GALNT6: variants seen among roughly 807,000 people sequenced by gnomAD.
The protein encoded by GALNT6 is polypeptide N-acetylgalactosaminyltransferase 6.
In GALNT6, 51 loss-of-function variants were observed where a neutral mutation model predicts 65.9. The observed-to-expected ratio is 0.77, with a 90% CI of 0.62 to 0.98. The LOEUF is 0.98. Among genes scored for constraint, GALNT6 ranks in the 50% least tolerant of loss-of-function variants. GALNT6 has a pLI of 0.00. For synonymous variants in GALNT6, 323 were observed against 315.1 expected (o/e 1.02, Z -0.26); for missense variants, 708 against 803.3 (o/e 0.88, Z 1.43).
At position 51,379,255 on chromosome 12, in the gene GALNT6, C is replaced by T. The variant is rs369694704; in HGVS notation, c.491+36G>A. 3.3e-6 allele frequency: 5 copies of T among 1,513,306 alleles called. No individual in the cohort carries two copies. In the African/African-American group the frequency reaches 4.2e-5, roughly 13 times the overall value. 93.7% of individuals were successfully genotyped at this position (1,513,306 alleles called of 1,614,324 possible). A position where few individuals can be genotyped will look rare whatever the true frequency, so the allele number is the denominator to read the frequency against. On this transcript the variant is annotated intron_variant, in intron 3 of 11. Transcript: ENST00000356317. The stretch of plus-strand genomic sequence containing the variant: ...ATACTAGCCATGCCTTTAGCAAAGC[C>T]CTGGTCTCCCCACAAGGACTCTGGG...
intron 6 of GALNT6, among the ~76,000 whole-genome samples, chr12:51,361,425 A>C (rs1032133971): frequency 6.6e-6 from 1 of 152,216 alleles, no homozygotes; most frequent in Non-Finnish European, 1.5e-5. Context: ...TTTACACTGC[A>C]TGAGAAACTG....
intron 10 of GALNT6, among the ~76,000 whole-genome samples, 200 bp from the exon 11 acceptor site, chr12:51,356,158 ATATGTGTGTGTGTATATATATATG>A (rs1283053174): frequency 6.6e-6 from 1 of 151,070 alleles, no homozygotes; most frequent in Admixed American, 6.6e-5. Context: ...ACATATATAT[ATATGTGTGTGTGTATATATATATG>A]TGTGTATATA....
intron 8 of GALNT6, among the ~76,000 whole-genome samples, chr12:51,358,875 T>A (rs1014818059): frequency 6.6e-6 from 1 of 152,112 alleles, no homozygotes; most frequent in Non-Finnish European, 1.5e-5. Flanking sequence ...CGTAAGAGGC[T>A]TTTCCTCCAA....
chr12:51,379,551 T>G lies in GALNT6; in HGVS notation c.231A>C (p.Glu77Asp). The G allele has an allele frequency of 6.2e-7, 1 of 1,614,182 alleles. No individual in the cohort carries two copies. Among genetic ancestry groups the G allele is most frequent in the Non-Finnish European group, 8.5e-7 (1 of 1,180,022 alleles). The change falls in exon 3 of 12, where the codon GAA (glutamate) becomes GAC (aspartate). Residue 77 changes from glutamate to aspartate, a missense_variant. Glu to Asp is a conservative substitution (Grantham distance 45, BLOSUM62 2). Transcript: ENST00000356317. ...SMPKLQIRAP[E>D]AQQTLFSINQ... ...TTATGGAGAACAGAGTCTGCTGGGC[T>G]TCTGGAGCCCTGATTTGGAGCTTGG... is the stretch of plus-strand genomic sequence containing the variant.
chr12:51,360,863 G>A (rs1474194468), intron 6 of GALNT6, 25 bp from the exon 7 acceptor site: 3 of 1,496,764 alleles, frequency 2.0e-6, no homozygotes, highest in Non-Finnish European at 9.3e-7. Context: ...GGAGAAGTGT[G>A]TGCATCTTCT....
chr12:51,356,801 C>T (rs115322545), intron 10 of GALNT6, among the ~76,000 whole-genome samples: 1,575 of 152,266 alleles, frequency 0.01, 25 homozygotes, highest in African/African-American at 0.036. Flanking sequence ...CAGTGCACCA[C>T]TGGAAATCAT....
At chr12:51,383,985 C>T (rs1947751987) in intron 2 of GALNT6, among the ~76,000 whole-genome samples, 3 of 152,188 alleles carry the variant, frequency 2.0e-5, no homozygotes, top group Admixed American at 1.3e-4. Context: ...ACGAGATCCG[C>T]CCCTGGTGTC....
chr12:51,375,650 T>C (rs1450188301), intron 4 of GALNT6, among the ~76,000 whole-genome samples: 1 of 151,060 alleles, frequency 6.6e-6, no homozygotes, highest in East Asian at 2.0e-4. Context: ...CTCCGCCTCC[T>C]GGGTTCAAGC....
Position 51,377,294 on chromosome 12 carries a change from C to T in GALNT6, c.565G>A (p.Ala189Thr). Residue 189 changes from alanine (A) to threonine (T), a missense_variant, in exon 4 of 12, where the codon GCC becomes ACC. Coordinates refer to ENST00000356317, the MANE Select transcript of GALNT6 (RefSeq NM_007210.4). The part of the protein sequence containing the change: ...TSVIIVFHNE[A>T]WSTLLRTVYS... ...ACTGTTCGCAGCAGTGTGGACCAGG[C>T]TTCGTTGTGGAACACAATGATCACG... 6.2e-7 allele frequency: 1 copy of T among 1,613,636 alleles called. No homozygotes were observed. The highest frequency in any genetic ancestry group is 2.2e-5 in the East Asian group (1 of 44,874).
rs1947886412 is a variant in GALNT6, at chr12:51,387,709, G to A, written c.-104+3141C>T. ...AGGGAGGGTTCCAGGTGGAGATGAGGTGGGATTCTCTAATCACCTAGAAGC... is the reference window on the plus strand; with the variant it reads ...AGGGAGGGTTCCAGGTGGAGATGAGATGGGATTCTCTAATCACCTAGAAGC... On this transcript the variant is annotated intron_variant, in intron 2 of 11. Coordinates refer to ENST00000356317, the MANE Select transcript of GALNT6 (RefSeq NM_007210.4). This position sits in a 1 kb window ranked among gnomAD's most constrained non-coding sequence, Gnocchi z 4.2. 6.6e-6 allele frequency among the ~76,000 whole-genome samples: 1 copy of A among 152,074 alleles called. No homozygotes were observed. Among genetic ancestry groups the A allele is most frequent in the South Asian group, 2.1e-4 (1 of 4,824 alleles).
At chr12:51,363,849 G>T (rs1331148556) in intron 6 of GALNT6, among the ~76,000 whole-genome samples, 2 of 152,212 alleles carry the variant, frequency 1.3e-5, no homozygotes, top group Non-Finnish European at 2.9e-5. Context: ...AACTGTCATG[G>T]TGAATAAGAG....
At position 51,354,361 on chromosome 12, in the gene GALNT6, C is replaced by T; in HGVS notation, c.*18G>A. On this transcript the variant is annotated 3_prime_UTR_variant, in exon 12 of 12. Transcript: ENST00000356317. ...CCTGAGGAGCTTGTGGGGGCTCTCT[C>T]TGGGGATGATCTGGGTCCTAGACAA... The T allele has an allele frequency of 7.3e-7, 1 of 1,375,064 alleles. No individual in the cohort carries two copies. The highest frequency in any genetic ancestry group is 1.5e-5 in the African/African-American group (1 of 66,232). 85.2% of individuals were successfully genotyped at this position (1,375,064 alleles called of 1,614,324 possible).
Position 51,351,432 on chromosome 12 carries a change from C to T in GALNT6, c.*2947G>A, listed in dbSNP as rs1195754057. ...ATGTCCTCTGGGTTTCTCAGACCCACTGGGGCCACATGTCCTCTGTGGCTT... is the reference window on the plus strand; with the variant it reads ...ATGTCCTCTGGGTTTCTCAGACCCATTGGGGCCACATGTCCTCTGTGGCTT... On this transcript the variant is annotated 3_prime_UTR_variant, in exon 12 of 12. Coordinates refer to ENST00000356317, the MANE Select transcript of GALNT6 (RefSeq NM_007210.4). 1 of 152,270 alleles carries T rather than the reference C, an allele frequency of 6.6e-6. No homozygotes were observed. The highest frequency in any genetic ancestry group is 2.4e-5 in the African/African-American group (1 of 41,462). The allele number at this position is 152,270 out of a possible 1,614,324, so 9.4% of individuals were successfully genotyped here.
At chr12:51,384,637 A>T (rs1028706271) in intron 2 of GALNT6, among the ~76,000 whole-genome samples, 1 of 149,794 alleles carries the variant, frequency 6.7e-6, no homozygotes, top group African/African-American at 2.5e-5. Flanking sequence ...GGTTGCAGTA[A>T]GCAGAAATAG....
At chr12:51,381,981 G>A (rs1287379346) in intron 2 of GALNT6, among the ~76,000 whole-genome samples, 1 of 152,230 alleles carries the variant, frequency 6.6e-6, no homozygotes, top group Non-Finnish European at 1.5e-5. Context: ...CCTGTGGAGA[G>A]GCCTGGTGTC....
intron 4 of GALNT6, among the ~76,000 whole-genome samples, chr12:51,372,052 T>G (rs1162365324): frequency 6.6e-6 from 1 of 152,190 alleles, no homozygotes; most frequent in Admixed American, 6.5e-5. Flanking sequence ...TTGTTTATCA[T>G]AGGGTCCACA....
intron 3 of GALNT6, 84 bp downstream of exon 3, chr12:51,379,207 G>A: frequency 1.5e-6 from 2 of 1,360,248 alleles, no homozygotes; most frequent in Middle Eastern, 2.2e-4. Flanking sequence ...TCTTTCTCTG[G>A]CCCTTGATCT....
At position 51,380,812 on chromosome 12, in the gene GALNT6, A is replaced by C. The variant is rs1010092522; in HGVS notation, c.-103-928T>G. ...TCTCCCCACGAAAAAAAGAAAGCTA[A>C]AGAAATGACATAACCAGTTTCTGAA... is the stretch of plus-strand genomic sequence containing the variant. On this transcript the variant is annotated intron_variant, in intron 2 of 11. Coordinates refer to ENST00000356317, the MANE Select transcript of GALNT6 (RefSeq NM_007210.4). Among the ~76,000 whole-genome samples, 4 of 152,168 alleles carry C rather than the reference A, an allele frequency of 2.6e-5. No homozygotes were observed. In the East Asian group the frequency reaches 7.7e-4, roughly 29 times the overall value.
Position 51,359,208 on chromosome 12 carries a change from A to G in GALNT6, c.1292T>C (p.Leu431Pro), listed in dbSNP as rs1946843805. The G allele has an allele frequency of 6.2e-7, 1 of 1,614,052 alleles. No individual in the cohort carries two copies. Among genetic ancestry groups the G allele is most frequent in the Non-Finnish European group, 8.5e-7 (1 of 1,180,008 alleles). ...GTAGCTGTCCATCCAGACCTCTGCC[A>G]GGCGCACTTGATTGCGAGCAATGAC... Reference protein sequence around the residue: ...TSVIARNQVRLAEVWMDSYKK... With the variant: ...TSVIARNQVRPAEVWMDSYKK... Residue 431 changes from leucine (L) to proline (P), a missense_variant, in exon 8 of 12, where the codon CTG (leucine) becomes CCG (proline). Transcript: ENST00000356317.
Sources: gnomAD v4.1 joint callset for allele counts (sites outside exome capture counted in the v4.1 genomes callset) on GRCh38, gnomAD v4.1.1 for gene constraint, Gnocchi (gnomAD v3.1) non-coding constraint, MANE v1.5 for transcripts, NCBI Gene and HGNC (gene_info 2026-07-23, HGNC 2026-07-21) for gene names.